The following WDR11 variants were observed in gnomAD, a reference collection of about 807,000 sequenced individuals.
WDR11 encodes WD repeat domain 11.
Under a neutral mutation model 151.2 loss-of-function variants are expected in WDR11, and 83 were observed. That is an observed-to-expected ratio of 0.55 (90% CI 0.46 to 0.66). The LOEUF is 0.66. WDR11 is among the 30% of genes least tolerant of loss of function. The probability of loss-of-function intolerance (pLI) is 0.00; values close to 1 mark genes in which losing one functional copy is unlikely to be tolerated. For synonymous variants in WDR11, 484 were observed against 533.1 expected, an observed-to-expected ratio of 0.91 and a Z score of 1.27; for missense variants, 1,301 against 1,480.9, an observed-to-expected ratio of 0.88 and a Z score of 1.99.
chr10:120,900,134 A>T lies in WDR11; in HGVS notation c.2621A>T (p.His874Leu). The change falls in exon 20 of 29, where the codon CAT (histidine) becomes CTT (leucine). Residue 874 changes from histidine (H) to leucine (L), a missense_variant. Physicochemically the swap from His to Leu is moderately conservative, Grantham distance 99 (BLOSUM62 -3). This residue lies in a region of WDR11 where 589 missense variants were observed against 670.6 expected (regional missense o/e 0.88). Coordinates refer to ENST00000263461, the MANE Select transcript of WDR11 (RefSeq NM_018117.12). ...WNGQYSLDIS[H>L]VDYPENEEIK... is the part of the protein sequence containing the mutation. Reference sequence around the variant, plus strand: ...GGACAGTATTCTTTGGACATTTCTCATGTGTAAGTTTTTCACTTTTCTTTT... The same window carrying T: ...GGACAGTATTCTTTGGACATTTCTCTTGTGTAAGTTTTTCACTTTTCTTTT... 1 of 1,610,634 alleles carries T rather than the reference A, an allele frequency of 6.2e-7. No homozygotes were observed. Among genetic ancestry groups the T allele is most frequent in the Non-Finnish European group, 8.5e-7 (1 of 1,176,896 alleles).
At chr10:120,886,022 T>G in intron 15 of WDR11, 84 bp downstream of exon 15, 2 of 1,577,112 alleles carry the variant, frequency 1.3e-6, no homozygotes, top group Non-Finnish European at 1.7e-6. Flanking sequence ...GGAAGGTGTC[T>G]ATGGTAGCAA....
chr10:120,885,274 T>TACACAC (rs1456456025), intron 14 of WDR11: 92 of 85,482 alleles, frequency 1.1e-3, no homozygotes, highest in African/African-American at 2.2e-3. Context: ...GGATGAAGTA[T>TACACAC]ATATATATAT....
intron 2 of WDR11, among the ~76,000 whole-genome samples, chr10:120,853,626 G>T (rs1845855619): frequency 6.6e-6 from 1 of 152,120 alleles, no homozygotes; most frequent in Non-Finnish European, 1.5e-5. Flanking sequence ...AAAAACTCTG[G>T]CAGCAGTGGA....
intron 19 of WDR11, among the ~76,000 whole-genome samples, chr10:120,899,421 T>G (rs1170413523): frequency 6.6e-6 from 1 of 152,222 alleles, no homozygotes; most frequent in East Asian, 1.9e-4. Flanking sequence ...ATTTGTTGAA[T>G]CATTGCATTG....
At chr10:120,891,352 T>C (rs1847423236) in intron 19 of WDR11, among the ~76,000 whole-genome samples, 1 of 152,136 alleles carries the variant, frequency 6.6e-6, no homozygotes. Context: ...AAATGACCAG[T>C]CAAGCAAATT....
At position 120,851,486 on chromosome 10, in the gene WDR11, C is replaced by T. The variant is rs138044064; in HGVS notation, c.66C>T (p.His22=). Residue 22 remains histidine, a synonymous_variant, in exon 1 of 29, where the codon CAC becomes CAT. Coordinates refer to ENST00000263461, the MANE Select transcript of WDR11 (RefSeq NM_018117.12). Reference sequence around the variant, plus strand: ...CCCTCACGGGGGCCCTCAACGCCCACAACAAGGCGGCGGTGGACTGGTGAG... The same window carrying T: ...CCCTCACGGGGGCCCTCAACGCCCATAACAAGGCGGCGGTGGACTGGTGAG... ...ARTLTGALNA[H]NKAAVDWGWQ... 1.2e-6 allele frequency: 2 copies of T among 1,611,988 alleles called. No homozygotes were observed. Among genetic ancestry groups the T allele is most frequent in the East Asian group, 2.2e-5 (1 of 44,830 alleles).
At chr10:120,904,891 ATTTC>A in intron 25 of WDR11, 80 bp downstream of exon 25, 2 of 1,516,198 alleles carry the variant, frequency 1.3e-6, no homozygotes, top group Non-Finnish European at 1.8e-6. Context: ...TAGTAGGGAC[ATTTC>A]TTTCTCTTTT....
chr10:120,895,358 A>G (rs1455698215), intron 19 of WDR11, among the ~76,000 whole-genome samples: 1 of 152,238 alleles, frequency 6.6e-6, no homozygotes, highest in African/African-American at 2.4e-5. Flanking sequence ...TGAAGGATGA[A>G]TAGAAAGAAA....
Position 120,889,197 on chromosome 10 carries a change from A to T in WDR11, c.2228+13A>T, listed in dbSNP as rs1265238555. 4 of 1,536,080 alleles carry T rather than the reference A, an allele frequency of 2.6e-6. No individual in the cohort carries two copies. The highest frequency in any genetic ancestry group is 3.6e-6 in the Non-Finnish European group (4 of 1,109,084). Reference sequence around the variant, plus strand: ...GCAGAGTATCCAGGTATAAGCCAAGAATGAAATCTTGTTATTTCATTAAAA... The same window carrying T: ...GCAGAGTATCCAGGTATAAGCCAAGTATGAAATCTTGTTATTTCATTAAAA... On this transcript the variant is annotated intron_variant, in intron 17 of 28. Coordinates refer to ENST00000263461, the MANE Select transcript of WDR11 (RefSeq NM_018117.12).
chr10:120,874,188 TTTTTGTTG>T (rs1346579753), intron 11 of WDR11, among the ~76,000 whole-genome samples: 36 of 90,820 alleles, frequency 4.0e-4, no homozygotes, highest in Admixed American at 7.0e-4. Flanking sequence ...TTTTTTTTTT[TTTTTGTTG>T]TTGTTGTTGT....
At chr10:120,856,236 A>G (rs1202705221) in intron 2 of WDR11, 1 of 152,184 alleles carries the variant, frequency 6.6e-6, no homozygotes, top group African/African-American at 2.4e-5. Flanking sequence ...CAAAGGATAT[A>G]GAATTCTGGG....
intron 2 of WDR11, among the ~76,000 whole-genome samples, chr10:120,858,010 T>C (rs2133730268): frequency 6.6e-6 from 1 of 152,342 alleles, no homozygotes; most frequent in Non-Finnish European, 1.5e-5. Flanking sequence ...GTGAGGACTA[T>C]GAAATTTTTC....
At chr10:120,881,126 G>A (rs1846990337) in intron 13 of WDR11, among the ~76,000 whole-genome samples, 1 of 152,088 alleles carries the variant, frequency 6.6e-6, no homozygotes, top group African/African-American at 2.4e-5. Flanking sequence ...TGCATGAATC[G>A]TTATTTACTT....
intron 5 of WDR11, among the ~76,000 whole-genome samples, chr10:120,864,322 T>A (rs536816032): frequency 2.6e-5 from 4 of 152,328 alleles, no homozygotes; most frequent in Admixed American, 6.5e-5. Flanking sequence ...AAATTATGTT[T>A]GTAAAATGAA....
intron 10 of WDR11, among the ~76,000 whole-genome samples, chr10:120,871,702 G>A (rs766512339): frequency 4.6e-5 from 7 of 152,206 alleles, no homozygotes; most frequent in African/African-American, 7.2e-5. Context: ...GTCAGTTTTC[G>A]TTGGGTCTTT....
At chr10:120,906,904 A>T in intron 28 of WDR11, 49 bp downstream of exon 28, 1 of 1,613,714 alleles carries the variant, frequency 6.2e-7, no homozygotes, top group Admixed American at 1.7e-5. Flanking sequence ...AGTGACATGC[A>T]TGGGTTTTGG....
At chr10:120,897,277 A>G (rs1847647674) in intron 19 of WDR11, among the ~76,000 whole-genome samples, 1 of 152,170 alleles carries the variant, frequency 6.6e-6, no homozygotes, top group African/African-American at 2.4e-5. Context: ...AAAGAATAAG[A>G]TTAGAAAATC....
At chr10:120,884,030 T>C in intron 14 of WDR11, 142 bp downstream of exon 14, 1 of 678,484 alleles carries the variant, frequency 1.5e-6, no homozygotes, top group Admixed American at 2.5e-5. Context: ...ATGATCTAAA[T>C]AAATGGAGAT....
intron 9 of WDR11, among the ~76,000 whole-genome samples, chr10:120,870,673 G>T (rs556782286): frequency 6.6e-6 from 1 of 151,994 alleles, no homozygotes; most frequent in East Asian, 1.9e-4. Context: ...ACACATTAAG[G>T]TTTCTTATTA....
Sources: allele counts gnomAD v4.1 joint callset (sites outside exome capture counted in the v4.1 genomes callset), GRCh38; gene constraint gnomAD v4.1.1; regional missense constraint gnomAD v4.1.1; transcripts MANE v1.5; gene names NCBI Gene and HGNC (gene_info 2026-07-23, HGNC 2026-07-21).